The following COL23A1 variants were observed in gnomAD, a reference collection of about 807,000 sequenced individuals.
COL23A1 encodes collagen alpha-1(XXIII) chain.
A neutral mutation model predicts 99.3 loss-of-function variants in COL23A1; 97 were observed. The observed-to-expected ratio is 0.98, with a 90% CI of 0.83 to 1.16. The LOEUF (loss-of-function observed/expected upper bound fraction) is 1.16. COL23A1 is among the 50% of genes most tolerant of loss of function. COL23A1 has a pLI of 0.00. For missense variants in COL23A1, 762 were observed against 757.4 expected, an observed-to-expected ratio of 1.01 and a Z score of -0.07; for synonymous variants, 320 against 308.2, an observed-to-expected ratio of 1.04 and a Z score of -0.40.
chr5:178,505,395 G>A (rs1758810198), intron 2 of COL23A1, among the ~76,000 whole-genome samples: 2 of 151,936 alleles, frequency 1.3e-5, no homozygotes, highest in South Asian at 2.1e-4. Flanking sequence ...GATTACAGGC[G>A]CACACCATCA....
At chr5:178,283,210 A>G (rs1305188176) in intron 5 of COL23A1, among the ~76,000 whole-genome samples, 1 of 152,132 alleles carries the variant, frequency 6.6e-6, no homozygotes, top group Non-Finnish European at 1.5e-5. Context: ...CTATAAACAC[A>G]GAGTCAAGTT....
chr5:178,292,233 G>GT (rs556842388), intron 3 of COL23A1, among the ~76,000 whole-genome samples: 1 of 151,684 alleles, frequency 6.6e-6, no homozygotes, highest in African/African-American at 2.4e-5. Context: ...GCCCGCACCT[G>GT]CCCCTGCACC....
intron 2 of COL23A1, among the ~76,000 whole-genome samples, chr5:178,456,734 T>C (rs944890686): frequency 2.2e-5 from 3 of 138,930 alleles, no homozygotes; most frequent in African/African-American, 8.1e-5. Context: ...AGTTTTAAAA[T>C]TGTACTAGAA....
intron 2 of COL23A1, among the ~76,000 whole-genome samples, chr5:178,321,206 C>A (rs1443858958): frequency 6.6e-6 from 1 of 152,220 alleles, no homozygotes; most frequent in African/African-American, 2.4e-5. Flanking sequence ...CAAGCACAGT[C>A]ACGCTGTTGT....
At chr5:178,315,778 T>C (rs6878814) in intron 2 of COL23A1, among the ~76,000 whole-genome samples, 13,948 of 149,528 alleles carry the variant, frequency 0.093, 901 homozygotes, top group African/African-American at 0.18. Flanking sequence ...TTTTTTTTTT[T>C]TTTTTTCAAG....
chr5:178,261,369 G>A (rs531686775), intron 11 of COL23A1, among the ~76,000 whole-genome samples: 6 of 152,048 alleles, frequency 3.9e-5, no homozygotes, highest in Middle Eastern at 3.4e-3. Context: ...AGCTGTGATC[G>A]TGCCACTGCA....
intron 2 of COL23A1, among the ~76,000 whole-genome samples, chr5:178,490,451 G>A (rs541040495): frequency 2.0e-5 from 3 of 152,242 alleles, no homozygotes; most frequent in South Asian, 4.1e-4. Context: ...GGGAGGACGC[G>A]TGGGAAGTTG....
At chr5:178,373,097 ACTGC>A (rs1762888102) in intron 2 of COL23A1, among the ~76,000 whole-genome samples, 1 of 151,934 alleles carries the variant, frequency 6.6e-6, no homozygotes, top group African/African-American at 2.4e-5. Context: ...CACTATGAGT[ACTGC>A]CAGAGTAAGA....
chr5:178,375,212 G>C (rs1304863647), intron 2 of COL23A1, among the ~76,000 whole-genome samples: 1 of 151,314 alleles, frequency 6.6e-6, no homozygotes, highest in East Asian at 2.0e-4. Flanking sequence ...TGTCCAGAAT[G>C]AACAAATCCA....
rs1032538672 is a variant in COL23A1 at position 178,254,943 on chromosome 5, C to T, written c.960+6G>A. 2 of 1,605,260 alleles carry T rather than the reference C, an allele frequency of 1.2e-6. No individual in the cohort carries two copies. Among genetic ancestry groups the T allele is most frequent in the Non-Finnish European group, 1.7e-6 (2 of 1,175,032 alleles). ...AGGCACATCCTGGTCCCACCAGGAA[C>T]ACTACCTTGAGGGCATCCAAGATCC... On this transcript the variant is annotated splice_donor_region_variant and intron_variant, in intron 16 of 28. Transcript: ENST00000390654.
intron 2 of COL23A1, among the ~76,000 whole-genome samples, chr5:178,436,235 G>A (rs1200183083): frequency 6.6e-6 from 1 of 152,190 alleles, no homozygotes; most frequent in Non-Finnish European, 1.5e-5. Flanking sequence ...AGGGGATGCT[G>A]AGTCCCAAAC....
Position 178,262,219 on chromosome 5 carries a change from T to A in COL23A1, c.673A>T (p.Met225Leu), listed in dbSNP as rs1431716854. The change falls in exon 10 of 29, where the codon ATG becomes TTG. Residue 225 changes from methionine (M) to leucine (L), a missense_variant and splice_region_variant. Met to Leu is a conservative substitution (Grantham distance 15). Transcript: ENST00000390654. ...PKGEPGQDGE[M>L]GPKGPPGPKG... ...TCTGGAATGCCCTGGATACTGACCA[T>A]CTCGCCGTCTTGTCCGGGCTCTCCT... 2 of 1,583,192 alleles carry A rather than the reference T, an allele frequency of 1.3e-6. No homozygotes were observed. Among genetic ancestry groups the A allele is most frequent in the Non-Finnish European group, 8.6e-7 (1 of 1,164,032 alleles).
intron 2 of COL23A1, among the ~76,000 whole-genome samples, chr5:178,481,767 A>T (rs1287086445): frequency 6.6e-6 from 1 of 151,312 alleles, no homozygotes; most frequent in Non-Finnish European, 1.5e-5. Context: ...ACTGCTGGGC[A>T]TTAAAAATGG....
At chr5:178,338,485 T>C (rs1259508836) in intron 2 of COL23A1, among the ~76,000 whole-genome samples, 7 of 151,200 alleles carry the variant, frequency 4.6e-5, no homozygotes, top group Non-Finnish European at 1.0e-4. Flanking sequence ...GCCGTCATCC[T>C]GGAAGCCCTT....
chr5:178,332,225 G>A (rs1760070433), intron 2 of COL23A1, among the ~76,000 whole-genome samples: 1 of 152,160 alleles, frequency 6.6e-6, no homozygotes, highest in African/African-American at 2.4e-5. Flanking sequence ...ACACCTGGAT[G>A]CTTTCCACAG....
At chr5:178,575,337 C>T (rs262054) in intron 1 of COL23A1, among the ~76,000 whole-genome samples, 12,781 of 152,142 alleles carry the variant, frequency 0.084, 1,448 homozygotes, top group African/African-American at 0.26. Context: ...CAGCTTCGCT[C>T]GTGTAGGGAA....
At chr5:178,489,144 G>A (rs909326763) in intron 2 of COL23A1, among the ~76,000 whole-genome samples, 2 of 151,910 alleles carry the variant, frequency 1.3e-5, no homozygotes, top group Admixed American at 6.6e-5. Context: ...GCTGAGAGGG[G>A]AAGATCTGCC....
At chr5:178,467,568 C>A (rs970904249) in intron 2 of COL23A1, among the ~76,000 whole-genome samples, 1 of 152,068 alleles carries the variant, frequency 6.6e-6, no homozygotes, top group Non-Finnish European at 1.5e-5. Flanking sequence ...AGAGGAGGTC[C>A]CCATTGTGCG....
intron 27 of COL23A1, among the ~76,000 whole-genome samples, chr5:178,241,070 A>T (rs1764369379): frequency 6.6e-6 from 1 of 152,146 alleles, no homozygotes; most frequent in Admixed American, 6.5e-5. Flanking sequence ...CAGCTCTACA[A>T]AAATTAAAAA....
Sources: allele counts gnomAD v4.1 joint callset (sites outside exome capture counted in the v4.1 genomes callset), GRCh38; gene constraint gnomAD v4.1.1; transcripts MANE v1.5; gene names NCBI Gene and HGNC (gene_info 2026-07-23, HGNC 2026-07-21).